Variants in FBRSL1 observed in about 807,000 individuals in gnomAD.
FBRSL1 encodes fibrosin like 1.
In FBRSL1, 51 loss-of-function variants were observed where a neutral mutation model predicts 89.6. The ratio of observed to expected loss-of-function variants is 0.57; its 90% CI spans 0.45 to 0.72. FBRSL1 has a LOEUF of 0.72. Ranked by LOEUF, FBRSL1 falls within the 30% of genes least tolerant of loss-of-function variation. FBRSL1 has a pLI of 0.00. For missense variants in FBRSL1, 1,618 were observed against 1,451.8 expected, an observed-to-expected ratio of 1.11 and a Z score of -1.86; for synonymous variants, 779 against 681.1, an observed-to-expected ratio of 1.14 and a Z score of -2.24.
intron 5 of FBRSL1, among the ~76,000 whole-genome samples, chr12:132,559,207 G>A (rs2038912814): frequency 2.0e-5 from 3 of 152,240 alleles, no homozygotes; most frequent in South Asian, 4.1e-4. Flanking sequence ...TCAGGGCGGT[G>A]GTCTTGGGGG....
At chr12:132,545,027 G>A (rs748289382) in intron 4 of FBRSL1, among the ~76,000 whole-genome samples, 3 of 152,204 alleles carry the variant, frequency 2.0e-5, no homozygotes, top group Admixed American at 6.5e-5. Context: ...ATTTACAGAA[G>A]CACAAACTGA....
chr12:132,570,467 T>C lies in FBRSL1; in HGVS notation c.1140T>C (p.Phe380=). Residue 380 remains phenylalanine, a synonymous_variant, in exon 8 of 19, where the codon TTT becomes TTC. Coordinates refer to ENST00000680143, the MANE Select transcript of FBRSL1 (RefSeq NM_001367871.1). The part of the protein sequence containing the change: ...QAQHQLHAAM[F]AAPPTLPPPP... ...AGCACCAGCTCCACGCGGCCATGTT[T>C]GCCGCACCCCCGACACTGCCCCCGC... is the stretch of plus-strand genomic sequence containing the variant. 1 of 1,532,890 alleles carries C rather than the reference T, an allele frequency of 6.5e-7. No individual in the cohort carries two copies. Among genetic ancestry groups the C allele is most frequent in the Non-Finnish European group, 8.7e-7 (1 of 1,145,212 alleles). The allele number at this position is 1,532,890 out of a possible 1,614,324, so 95.0% of individuals were successfully genotyped here.
chr12:132,573,421 A>AC (rs948538542), intron 11 of FBRSL1, among the ~76,000 whole-genome samples: 1 of 151,936 alleles, frequency 6.6e-6, no homozygotes, highest in Non-Finnish European at 1.5e-5. Context: ...AGGGTCTTGG[A>AC]CCCCCAGACC....
intron 3 of FBRSL1, 112 bp downstream of exon 3, chr12:132,525,935 C>T: frequency 1.2e-6 from 1 of 853,066 alleles, no homozygotes; most frequent in Non-Finnish European, 1.8e-6. Flanking sequence ...CTGTGCCCTG[C>T]ACAAGGGCGT....
intron 4 of FBRSL1, among the ~76,000 whole-genome samples, chr12:132,545,205 C>T (rs536074922): frequency 6.6e-6 from 1 of 152,326 alleles, no homozygotes; most frequent in African/African-American, 2.4e-5. Flanking sequence ...GGTCTGTCCT[C>T]TGCTCCCAGG....
At chr12:132,491,616 G>T (rs1360441268) in intron 1 of FBRSL1, among the ~76,000 whole-genome samples, 2 of 152,226 alleles carry the variant, frequency 1.3e-5, no homozygotes, top group East Asian at 3.8e-4. Context: ...GCTGGACTTT[G>T]ACTCCCAGAA....
chr12:132,571,763 C>T (rs1191405675), intron 9 of FBRSL1: 2 of 347,758 alleles, frequency 5.8e-6, no homozygotes, highest in Admixed American at 4.9e-5. Flanking sequence ...CCCGTGCCCA[C>T]GTGCATGGGA....
intron 2 of FBRSL1, chr12:132,510,382 G>A (rs943872768): frequency 9.7e-6 from 12 of 1,231,702 alleles, no homozygotes; most frequent in Admixed American, 4.2e-5. Context: ...CTGCGGTCCC[G>A]GTGGACCCGA....
intron 1 of FBRSL1, among the ~76,000 whole-genome samples, chr12:132,496,539 C>T (rs914904252): frequency 1.3e-5 from 2 of 152,224 alleles, no homozygotes; most frequent in African/African-American, 4.8e-5. Context: ...TTGTTGGATT[C>T]CCTCCTCAGC....
intron 5 of FBRSL1, among the ~76,000 whole-genome samples, chr12:132,557,016 GC>G (rs2038734641): frequency 1.3e-5 from 2 of 152,198 alleles, no homozygotes. Flanking sequence ...GAGGTTGGGT[GC>G]CCCCCAGGGT....
At chr12:132,562,667 G>C (rs1213743442) in intron 5 of FBRSL1, among the ~76,000 whole-genome samples, 3 of 117,750 alleles carry the variant, frequency 2.5e-5, no homozygotes, top group African/African-American at 1.0e-4. Flanking sequence ...TTTAACACAC[G>C]AACGTGCGGG....
At position 132,490,657 on chromosome 12, in the gene FBRSL1, C is replaced by G. The variant is rs774717348; in HGVS notation, c.87C>G (p.Ala29=). Residue 29 remains alanine (A), a synonymous_variant, in exon 1 of 19, where the codon GCC becomes GCG. Transcript: ENST00000680143. ...RRREAARDAR[A]QSPSSGDEPE... ...GGGAGGCCGCCCGCGACGCCCGCGC[C>G]CAGAGTCCGTCGTCGGGCGACGAGC... 1.0e-6 allele frequency: 1 copy of G among 993,512 alleles called. No homozygotes were observed. The highest frequency in any genetic ancestry group is 4.1e-5 in the South Asian group (1 of 24,346). The allele number at this position is 993,512 out of a possible 1,614,324, so 61.5% of individuals were successfully genotyped here.
intron 15 of FBRSL1, chr12:132,581,180 C>G: frequency 1.0e-6 from 1 of 980,554 alleles, no homozygotes; most frequent in Non-Finnish European, 1.2e-6. Flanking sequence ...AGGGTTGCAT[C>G]GCACTCAGCA....
At chr12:132,559,580 G>T (rs1411164677) in intron 5 of FBRSL1, among the ~76,000 whole-genome samples, 2 of 152,156 alleles carry the variant, frequency 1.3e-5, no homozygotes, top group African/African-American at 4.8e-5. Context: ...CGTAGAGACG[G>T]GCGGGGGTGG....
At chr12:132,498,681 A>C (rs1272087099) in intron 1 of FBRSL1, among the ~76,000 whole-genome samples, 1 of 152,166 alleles carries the variant, frequency 6.6e-6, no homozygotes, top group Non-Finnish European at 1.5e-5. Flanking sequence ...AGGGCCCCCC[A>C]TCCTGGTCAG....
At chr12:132,510,103 G>T (rs1428427440) in intron 2 of FBRSL1, 11 of 1,225,132 alleles carry the variant, frequency 9.0e-6, no homozygotes, top group Non-Finnish European at 1.0e-5. Flanking sequence ...CCGCTCATGG[G>T]CCCGGAGCAG....
intron 15 of FBRSL1, among the ~76,000 whole-genome samples, chr12:132,578,002 T>G (rs892079801): frequency 2.6e-5 from 4 of 152,238 alleles, no homozygotes; most frequent in African/African-American, 9.6e-5. Context: ...ACACAGAGGC[T>G]GGGACACTCC....
chr12:132,574,005 G>T, intron 11 of FBRSL1, 85 bp from the exon 12 acceptor site: 1 of 961,398 alleles, frequency 1.0e-6, no homozygotes, highest in Non-Finnish European at 1.3e-6. Flanking sequence ...GCAGGGCACA[G>T]GCCCACGCCA....
In FBRSL1 at chr12:132,507,136, G is replaced by A. The variant is rs184791033; in HGVS notation, c.292-1017G>A. ...CTCTATGCGGGGGCGGGTCCTCCTCGGGGACACTGTGGCCCTCCGTGGGGG... is the reference window on the plus strand; with the variant it reads ...CTCTATGCGGGGGCGGGTCCTCCTCAGGGACACTGTGGCCCTCCGTGGGGG... On this transcript the variant is annotated intron_variant, in intron 1 of 18. Transcript: ENST00000680143. 2,076 of 957,660 alleles carry A rather than the reference G, an allele frequency of 2.2e-3. 141 individuals are homozygous for A. In the Admixed American group the frequency reaches 0.11, roughly 49 times the overall value. 59.3% of individuals were successfully genotyped at this position (957,660 alleles called of 1,614,324 possible).
Sources: gnomAD v4.1 joint callset for allele counts (sites outside exome capture counted in the v4.1 genomes callset) on GRCh38, gnomAD v4.1.1 for gene constraint, MANE v1.5 for transcripts, NCBI Gene and HGNC (gene_info 2026-07-23, HGNC 2026-07-21) for gene names.